The following ST3GAL6 variants were observed in gnomAD, a reference collection of about 807,000 sequenced individuals.
ST3GAL6 encodes type 2 lactosamine alpha-2,3-sialyltransferase.
In ST3GAL6, 31 loss-of-function variants were observed where a neutral mutation model predicts 40.5. The observed-to-expected ratio is 0.77, with a 90% CI of 0.58 to 1.03. The LOEUF is 1.03. ST3GAL6 is among the 50% of genes least tolerant of loss of function. The pLI is 0.00. For synonymous variants in ST3GAL6, 129 were observed against 136.9 expected (o/e 0.94, Z 0.40); for missense variants, 357 against 393.2 (o/e 0.91, Z 0.78).
Position 98,783,580 on chromosome 3 carries a change from A to C in ST3GAL6, c.336-1365A>C, listed in dbSNP as rs576383578. 6.1e-6 allele frequency: 6 copies of C among 984,110 alleles called. No homozygotes were observed. The African/African-American group carries it at 8.7e-5, about 14-fold the overall frequency. 61.0% of individuals were successfully genotyped at this position (984,110 alleles called of 1,614,324 possible). A position where few individuals can be genotyped will look rare whatever the true frequency, so the allele number is the denominator to read the frequency against. Reference sequence around the variant, plus strand: ...ATCTATAGACTCCCAGAAAAAAGAAATAAAAAAAATGCAAAGAAAATTTAA... The same window carrying C: ...ATCTATAGACTCCCAGAAAAAAGAACTAAAAAAAATGCAAAGAAAATTTAA... On this transcript the variant is annotated intron_variant, in intron 5 of 9. Transcript: ENST00000483910.
chr3:98,773,326 T>C (rs1415148307), intron 4 of ST3GAL6: 1 of 153,696 alleles, frequency 6.5e-6, no homozygotes, highest in African/African-American at 2.4e-5. Flanking sequence ...AGCAGTCTTT[T>C]AATTTAACCA....
intron 1 of ST3GAL6, among the ~76,000 whole-genome samples, chr3:98,751,039 A>G (rs1198881006): frequency 7.2e-6 from 1 of 138,950 alleles, no homozygotes; most frequent in Non-Finnish European, 1.5e-5. Flanking sequence ...TCCAGACTAA[A>G]TAATCTTTTT....
chr3:98,758,359 T>C (rs1400206957), upstream of ST3GAL6, among the ~76,000 whole-genome samples: 1 of 152,228 alleles, frequency 6.6e-6, no homozygotes, highest in Non-Finnish European at 1.5e-5. Context: ...GAAACCTATT[T>C]GCCAACTCAG....
Position 98,763,369 on chromosome 3 carries a change from G to C in ST3GAL6, c.-82G>C. The C allele has an allele frequency of 7.8e-7, 1 of 1,289,866 alleles. No homozygotes were observed. Among genetic ancestry groups the C allele is most frequent in the South Asian group, 1.2e-5 (1 of 81,032 alleles). 79.9% of individuals were successfully genotyped at this position (1,289,866 alleles called of 1,614,324 possible). On this transcript the variant is annotated 5_prime_UTR_variant, in exon 1 of 10. Coordinates refer to ENST00000483910, the MANE Select transcript of ST3GAL6 (RefSeq NM_001323368.2). ...TGAGCTGAAGACCAGCAGAGACTAGGATGGATGACGGCCTGTCCAGGGGCT... is the reference window on the plus strand; with the variant it reads ...TGAGCTGAAGACCAGCAGAGACTAGCATGGATGACGGCCTGTCCAGGGGCT...
At chr3:98,791,028 T>C (rs1349393891) in intron 8 of ST3GAL6, among the ~76,000 whole-genome samples, 2 of 152,182 alleles carry the variant, frequency 1.3e-5, no homozygotes, top group East Asian at 3.8e-4. Flanking sequence ...AAGTCATATG[T>C]AATTTCAATG....
In ST3GAL6 at chr3:98,734,914, T is replaced by G. The variant is rs192282700; in HGVS notation, c.-12+2382T>G. ...ATGGGAGAAGACGTGAGTAATGCCA[T>G]GTTTCCCGCATTTCCCTGATAAGCA... On this transcript the variant is annotated intron_variant, in intron 1 of 9. Coordinates refer to the ST3GAL6 transcript ENST00000265261. 2.0e-5 allele frequency among the ~76,000 whole-genome samples: 3 copies of G among 152,300 alleles called. No individual in the cohort carries two copies. The East Asian group carries it at 5.8e-4, about 29-fold the overall frequency.
chr3:98,785,916 A>G (rs766766221), intron 6 of ST3GAL6, among the ~76,000 whole-genome samples: 4 of 152,138 alleles, frequency 2.6e-5, no homozygotes, highest in Non-Finnish European at 4.4e-5. Context: ...TTAGACATAG[A>G]GTTATCGGGA....
At chr3:98,782,117 G>T (rs985774858) in intron 5 of ST3GAL6, 1 of 646,114 alleles carries the variant, frequency 1.5e-6, no homozygotes, top group Non-Finnish European at 2.8e-6. Context: ...CCACAGCAGA[G>T]AGCCTTTGAT....
upstream of ST3GAL6, among the ~76,000 whole-genome samples, chr3:98,760,084 T>G (rs1937619157): frequency 6.6e-6 from 1 of 152,212 alleles, no homozygotes; most frequent in Non-Finnish European, 1.5e-5. Context: ...CAGAGAAACT[T>G]CTGTTGATTG....
At chr3:98,756,275 T>A in intron 1 of ST3GAL6, 1 of 1,045,698 alleles carries the variant, frequency 9.6e-7, no homozygotes, top group Non-Finnish European at 1.3e-6. Context: ...TTTACTAAAA[T>A]GGCGTTTTCC....
rs956393738 is a variant in ST3GAL6 at position 98,773,175 on chromosome 3, T to C, written c.271+259T>C. The C allele has an allele frequency of 3.5e-5, 8 of 228,220 alleles. No homozygotes were observed. The South Asian group carries it at 6.7e-4, about 19-fold the overall frequency. 14.1% of individuals were successfully genotyped at this position (228,220 alleles called of 1,614,324 possible). On this transcript the variant is annotated intron_variant, in intron 4 of 9. Transcript: ENST00000483910. ...ACTTTTTACATTTGCTCTGCCGCCA[T>C]GTGATCCATGTAAGTTCTGGTGCCT...
chr3:98,782,517 G>A (rs1178498402), intron 5 of ST3GAL6: 2 of 593,368 alleles, frequency 3.4e-6, no homozygotes, highest in Non-Finnish European at 6.0e-6. Flanking sequence ...TGAACCCCAG[G>A]AGGTCCTGCA....
intron 1 of ST3GAL6, among the ~76,000 whole-genome samples, chr3:98,751,200 G>A (rs1326399657): frequency 2.0e-5 from 3 of 151,990 alleles, no homozygotes; most frequent in Non-Finnish European, 4.4e-5. Flanking sequence ...GAGCCACTGC[G>A]CTCGTCCCAG....
At chr3:98,770,261 C>T (rs1938827684) in intron 2 of ST3GAL6, 1 of 152,186 alleles carries the variant, frequency 6.6e-6, no homozygotes, top group Admixed American at 6.5e-5. Context: ...ATTTATTTTC[C>T]TTGTTGTGCT....
At chr3:98,778,410 A>G (rs1939755057) in intron 5 of ST3GAL6, among the ~76,000 whole-genome samples, 1 of 152,250 alleles carries the variant, frequency 6.6e-6, no homozygotes, top group Non-Finnish European at 1.5e-5. Flanking sequence ...GAATATCAAT[A>G]TCTGCCTCCC....
chr3:98,785,047 A>C lies in ST3GAL6; in HGVS notation c.431+7A>C. On this transcript the variant is annotated splice_region_variant and intron_variant, in intron 6 of 9. Coordinates refer to ENST00000483910, the MANE Select transcript of ST3GAL6 (RefSeq NM_001323368.2). Reference sequence around the variant, plus strand: ...CCTATGATGTAATAATAAGGTAAATATATTTTCTATTTGCTACCCTAGAAT... The same window carrying C: ...CCTATGATGTAATAATAAGGTAAATCTATTTTCTATTTGCTACCCTAGAAT... The C allele has an allele frequency of 6.4e-7, 1 of 1,559,044 alleles. No homozygotes were observed. Among genetic ancestry groups the C allele is most frequent in the African/African-American group, 1.4e-5 (1 of 73,900 alleles).
chr3:98,753,288 C>CT (rs1937167260), intron 1 of ST3GAL6, among the ~76,000 whole-genome samples: 1 of 152,218 alleles, frequency 6.6e-6, no homozygotes, highest in Non-Finnish European at 1.5e-5. Context: ...AAACAAGGCT[C>CT]TAACTCTTTT....
chr3:98,782,614 C>T (rs1940243990), intron 5 of ST3GAL6: 1 of 469,914 alleles, frequency 2.1e-6, no homozygotes. Context: ...CAAACCAGTA[C>T]AGTAACCCAG....
Position 98,794,959 on chromosome 3 carries a change from C to CATT in ST3GAL6, c.*1199_*1201dup, listed in dbSNP as rs994010249. Reference sequence around the variant, plus strand: ...TTTAAATGGTACAAAAAGAATATCTCATTTTCCCATGATTAAAGCTAATCT... The same window carrying CATT: ...TTTAAATGGTACAAAAAGAATATCTCATTATTTTCCCATGATTAAAGCTAATCT... On this transcript the variant is annotated 3_prime_UTR_variant, in exon 10 of 10. Transcript: ENST00000483910. The CATT allele has an allele frequency of 2.7e-4, 41 of 152,214 alleles. No individual in the cohort carries two copies. Among genetic ancestry groups the CATT allele is most frequent in the African/African-American group, 9.6e-4 (40 of 41,532 alleles). The allele number at this position is 152,214 out of a possible 1,614,324, so 9.4% of individuals were successfully genotyped here.
Sources: allele counts gnomAD v4.1 joint callset (sites outside exome capture counted in the v4.1 genomes callset), GRCh38; gene constraint gnomAD v4.1.1; transcripts MANE v1.5; gene names NCBI Gene and HGNC (gene_info 2026-07-23, HGNC 2026-07-21).